The following SPPL3 variants were observed in gnomAD, a reference collection of about 807,000 sequenced individuals.
The protein encoded by SPPL3 is signal peptide peptidase like 3.
SPPL3 carries 5 observed loss-of-function variants against 42.4 expected under a neutral mutation model. The ratio of observed to expected loss-of-function variants is 0.12; its 90% confidence interval spans 0.06 to 0.25. The LOEUF (loss-of-function observed/expected upper bound fraction) is 0.25. Among genes scored for constraint, SPPL3 ranks in the 10% least tolerant of loss-of-function variants. The probability of loss-of-function intolerance (pLI) is 1.00; values close to 1 mark genes in which losing one functional copy is unlikely to be tolerated. For synonymous variants in SPPL3, 195 were observed against 181.8 expected (o/e 1.07, Z -0.58); for missense variants, 235 against 489.0 (o/e 0.48, Z 4.90).
intron 1 of SPPL3, among the ~76,000 whole-genome samples, chr12:120,870,146 G>C (rs1470855570): frequency 6.6e-6 from 1 of 152,044 alleles, no homozygotes; most frequent in African/African-American, 2.4e-5. Context: ...TAAAAGCAAA[G>C]TAATAAAGAA....
At chr12:120,791,668 T>C (rs1869920879) in intron 2 of SPPL3, 111 bp from the exon 3 acceptor site, 1 of 696,298 alleles carries the variant, frequency 1.4e-6, no homozygotes, top group Non-Finnish European at 2.5e-6. Flanking sequence ...AAGGTCTCTT[T>C]TGAACAACTC....
chr12:120,899,218 C>T (rs1352380094), intron 1 of SPPL3, among the ~76,000 whole-genome samples: 1 of 152,152 alleles, frequency 6.6e-6, no homozygotes, highest in Non-Finnish European at 1.5e-5. Flanking sequence ...TCAATTTATT[C>T]TGTTAATAGC....
At chr12:120,819,369 T>G (rs1870979870) in intron 1 of SPPL3, among the ~76,000 whole-genome samples, 2 of 152,236 alleles carry the variant, frequency 1.3e-5, no homozygotes, top group African/African-American at 4.8e-5. Context: ...TTCCAGATGT[T>G]GTCTCTTTTC....
Position 120,767,515 on chromosome 12 carries a change from G to A in SPPL3, c.852C>T (p.Arg284=). The A allele has an allele frequency of 1.9e-6, 3 of 1,614,204 alleles. No individual in the cohort carries two copies. Among genetic ancestry groups the A allele is most frequent in the Non-Finnish European group, 1.7e-6 (2 of 1,180,046 alleles). The part of the protein sequence containing the change: ...MPGLLLCFVL[R]YDNYKKQASG... Reference sequence around the variant, plus strand: ...TGGCTTGCTTTTTGTAGTTGTCATAGCGAAGGACAAAGCATAGTAGGAGAC... The same window carrying A: ...TGGCTTGCTTTTTGTAGTTGTCATAACGAAGGACAAAGCATAGTAGGAGAC... Residue 284 remains arginine, a synonymous_variant, in exon 9 of 11, where the codon CGC becomes CGT. Transcript: ENST00000353487.
At chr12:120,795,499 G>A (rs558609371) in intron 2 of SPPL3, among the ~76,000 whole-genome samples, 3 of 152,282 alleles carry the variant, frequency 2.0e-5, no homozygotes, top group South Asian at 4.1e-4. Context: ...TTTTGCTGTA[G>A]AATCTTACAG....
intron 6 of SPPL3, 123 bp downstream of exon 6, chr12:120,782,532 G>A (rs996664571): frequency 3.1e-5 from 21 of 683,768 alleles, no homozygotes; most frequent in African/African-American, 7.3e-5. Flanking sequence ...TTTTGGCGGG[G>A]GTGGGTGTGA....
At chr12:120,856,249 T>C (rs1872452351) in intron 1 of SPPL3, among the ~76,000 whole-genome samples, 1 of 149,562 alleles carries the variant, frequency 6.7e-6, no homozygotes. Flanking sequence ...TTCTGGCCAA[T>C]GAGACAGAAG....
intron 1 of SPPL3, among the ~76,000 whole-genome samples, chr12:120,850,319 T>C (rs1164370668): frequency 6.6e-6 from 1 of 151,990 alleles, no homozygotes; most frequent in African/African-American, 2.4e-5. Context: ...TCTAGAGCCA[T>C]CTGTTAAGGC....
intron 1 of SPPL3, among the ~76,000 whole-genome samples, chr12:120,893,376 A>G (rs1444604913): frequency 6.6e-6 from 1 of 152,028 alleles, no homozygotes; most frequent in Non-Finnish European, 1.5e-5. Context: ...CGTGAAAAAA[A>G]TATATATTTT....
intron 1 of SPPL3, among the ~76,000 whole-genome samples, chr12:120,885,688 A>T (rs1214172546): frequency 1.3e-5 from 2 of 152,094 alleles, no homozygotes; most frequent in African/African-American, 4.8e-5. Flanking sequence ...AATGACCTAC[A>T]ACTATGGTTA....
intron 1 of SPPL3, 44 bp from the exon 2 acceptor site, chr12:120,810,930 T>A (rs369628052): frequency 1.4e-4 from 192 of 1,419,600 alleles, no homozygotes; most frequent in Non-Finnish European, 1.9e-4. Flanking sequence ...ATGCAGTGAG[T>A]CCTAATGGAG....
At chr12:120,765,392 A>C (rs1485225704) in intron 10 of SPPL3, among the ~76,000 whole-genome samples, 2 of 151,576 alleles carry the variant, frequency 1.3e-5, no homozygotes, top group African/African-American at 4.9e-5. Flanking sequence ...GGTTCAAGCG[A>C]TTCTCTTGCC....
chr12:120,898,797 T>A (rs771755635), intron 1 of SPPL3, among the ~76,000 whole-genome samples: 5 of 152,210 alleles, frequency 3.3e-5, no homozygotes, highest in Non-Finnish European at 7.3e-5. Context: ...AGCCTCAATT[T>A]CCTTACTTAG....
chr12:120,853,460 C>A (rs1872330239), intron 1 of SPPL3, among the ~76,000 whole-genome samples: 1 of 152,136 alleles, frequency 6.6e-6, no homozygotes, highest in African/African-American at 2.4e-5. Flanking sequence ...TTAGTAACTT[C>A]TAAAAATGTA....
intron 6 of SPPL3, among the ~76,000 whole-genome samples, chr12:120,774,633 T>C (rs1024153345): frequency 6.6e-6 from 1 of 152,074 alleles, no homozygotes; most frequent in African/African-American, 2.4e-5. Context: ...CTTAGAGGCA[T>C]GTGGAATAAA....
intron 6 of SPPL3, 58 bp downstream of exon 6, chr12:120,782,597 A>G: frequency 7.7e-7 from 1 of 1,293,322 alleles, no homozygotes; most frequent in Non-Finnish European, 1.1e-6. Flanking sequence ...GAATATCCTA[A>G]AGTATCTATA....
intron 1 of SPPL3, among the ~76,000 whole-genome samples, chr12:120,889,973 C>T (rs1366709527): frequency 2.2e-4 from 33 of 152,044 alleles, no homozygotes; most frequent in Non-Finnish European, 8.8e-5. Flanking sequence ...TTGCTGGGGG[C>T]GGTGGCTCAC....
rs1472417059 is a variant in SPPL3, at chr12:120,898,291, ACT to A, written c.23+5552_23+5553del. On this transcript the variant is annotated intron_variant, in intron 1 of 10. Transcript: ENST00000353487. ...CACACTCCAGCCTGGACAGAGCAAG[ACT>A]CTGTTTTTTTTTTTTTTTTTTAAAA... is the stretch of plus-strand genomic sequence containing the variant. Among the ~76,000 whole-genome samples the A allele has an allele frequency of 3.4e-4, 41 of 121,514 alleles. No individual in the cohort carries two copies. In the East Asian group the frequency reaches 8.0e-3, roughly 24 times the overall value. The allele number at this position is 121,514 out of a possible 152,430, so 79.7% of individuals were successfully genotyped here.
At chr12:120,890,165 C>T (rs966823607) in intron 1 of SPPL3, among the ~76,000 whole-genome samples, 1 of 152,142 alleles carries the variant, frequency 6.6e-6, no homozygotes, top group Non-Finnish European at 1.5e-5. Flanking sequence ...AGGAGAGTTA[C>T]TTGAACCTGG....
Sources: gnomAD v4.1 joint callset for allele counts (sites outside exome capture counted in the v4.1 genomes callset) on GRCh38, gnomAD v4.1.1 for gene constraint, MANE v1.5 for transcripts, NCBI Gene and HGNC (gene_info 2026-07-23, HGNC 2026-07-21) for gene names.